Variants in MYOF observed in about 807,000 individuals in gnomAD.
MYOF encodes fer-1-like 3, myoferlin.
In MYOF, 244 loss-of-function variants were observed where a neutral mutation model predicts 284.2. The observed-to-expected ratio is 0.86, with a 90% CI of 0.77 to 0.95. The LOEUF is 0.95. Ranked by LOEUF, MYOF falls within the 40% of genes least tolerant of loss-of-function variation. The pLI, the probability that MYOF is intolerant of heterozygous loss-of-function variation, is 0.00. For missense variants in MYOF, 2,496 were observed against 2,560.6 expected (o/e 0.97, Z 0.54); for synonymous variants, 904 against 919.7 (o/e 0.98, Z 0.31).
chr10:93,358,206 C>A (rs1187346171), intron 29 of MYOF, among the ~76,000 whole-genome samples: 1 of 152,152 alleles, frequency 6.6e-6, no homozygotes, highest in Non-Finnish European at 1.5e-5. Flanking sequence ...AAAAGCTCAA[C>A]ATCACGGATC....
intron 2 of MYOF, among the ~76,000 whole-genome samples, chr10:93,455,393 C>T (rs576023205): frequency 1.3e-5 from 2 of 152,036 alleles, no homozygotes; most frequent in Non-Finnish European, 2.9e-5. Flanking sequence ...TCTAGCGAGG[C>T]GCAATGGCTC....
intron 50 of MYOF, among the ~76,000 whole-genome samples, chr10:93,315,029 TGAGA>T (rs1360698446): frequency 6.6e-6 from 1 of 152,086 alleles, no homozygotes; most frequent in African/African-American, 2.4e-5. Flanking sequence ...CCAGCCTGGG[TGAGA>T]GAGTGAGACT....
At chr10:93,418,247 A>G (rs1020104150) in intron 5 of MYOF, among the ~76,000 whole-genome samples, 5 of 152,270 alleles carry the variant, frequency 3.3e-5, no homozygotes, top group African/African-American at 4.8e-5. Flanking sequence ...AGTGTAAGCT[A>G]AAAGGACAAT....
intron 48 of MYOF, among the ~76,000 whole-genome samples, chr10:93,322,813 G>C (rs1421702137): frequency 6.6e-6 from 1 of 152,072 alleles, no homozygotes; most frequent in South Asian, 2.1e-4. Context: ...AGAAACTGAA[G>C]AAAATCCATT....
intron 1 of MYOF, among the ~76,000 whole-genome samples, chr10:93,473,697 T>C (rs1014209996): frequency 1.3e-5 from 2 of 152,306 alleles, no homozygotes; most frequent in South Asian, 2.1e-4. Context: ...AAGGTTTCCT[T>C]GAGCACGCTG....
intron 2 of MYOF, among the ~76,000 whole-genome samples, chr10:93,452,730 AAG>A (rs1372678828): frequency 1.3e-5 from 2 of 152,182 alleles, no homozygotes; most frequent in African/African-American, 4.8e-5. Context: ...AAAATTAAAA[AAG>A]AATAAAATGC....
chr10:93,423,761 A>T (rs1848457226), intron 5 of MYOF, among the ~76,000 whole-genome samples: 1 of 149,368 alleles, frequency 6.7e-6, no homozygotes, highest in South Asian at 2.2e-4. Flanking sequence ...TGAACCCTGG[A>T]GGCGGAGCTT....
At chr10:93,391,070 A>G (rs11187408) in intron 17 of MYOF, among the ~76,000 whole-genome samples, 55,491 of 152,144 alleles carry the variant, frequency 0.36, 11,168 homozygotes, top group East Asian at 0.86. Flanking sequence ...GTTCCCTTGA[A>G]TGACTGTGCT....
chr10:93,465,134 G>T (rs1336466149), intron 1 of MYOF, among the ~76,000 whole-genome samples: 1 of 152,082 alleles, frequency 6.6e-6, no homozygotes, highest in Non-Finnish European at 1.5e-5. Context: ...AGTTACAGAG[G>T]AAGAAACCAA....
intron 27 of MYOF, 97 bp downstream of exon 27, chr10:93,363,864 G>A: frequency 2.1e-6 from 2 of 934,832 alleles, no homozygotes; most frequent in Admixed American, 2.1e-5. Context: ...ATGGAGCGGA[G>A]GAGAGGTTAA....
At chr10:93,362,824 G>T (rs1417821135) in intron 27 of MYOF, among the ~76,000 whole-genome samples, 1 of 152,112 alleles carries the variant, frequency 6.6e-6, no homozygotes, top group Non-Finnish European at 1.5e-5. Flanking sequence ...AGGCAAATGG[G>T]CTTCTTGTAA....
chr10:93,390,374 A>C (rs1846617036), intron 17 of MYOF, among the ~76,000 whole-genome samples: 1 of 152,212 alleles, frequency 6.6e-6, no homozygotes, highest in Non-Finnish European at 1.5e-5. Flanking sequence ...AGCAAGAAAA[A>C]AAGAAACATT....
intron 53 of MYOF, among the ~76,000 whole-genome samples, chr10:93,309,342 G>A (rs749733385): frequency 1.1e-4 from 16 of 152,248 alleles, no homozygotes; most frequent in East Asian, 3.9e-4. Flanking sequence ...TCGTAGATGC[G>A]CAATACATCC....
At chr10:93,316,133 AAAT>A (rs1842601737) in intron 50 of MYOF, among the ~76,000 whole-genome samples, 1 of 152,070 alleles carries the variant, frequency 6.6e-6, no homozygotes, top group Non-Finnish European at 1.5e-5. Context: ...AAAAATAAAA[AAAT>A]AAAAAAATAG....
At chr10:93,462,063 C>T (rs1203437555) in intron 1 of MYOF, among the ~76,000 whole-genome samples, 1 of 150,288 alleles carries the variant, frequency 6.7e-6, no homozygotes, top group East Asian at 2.0e-4. Context: ...AGGGGATGCT[C>T]ACTGCAGGCT....
At chr10:93,402,738 T>A (rs974367708) in intron 10 of MYOF, 122 bp downstream of exon 10, 7 of 844,926 alleles carry the variant, frequency 8.3e-6, no homozygotes, top group Non-Finnish European at 1.3e-5. Context: ...AAATATTTTT[T>A]AAAAAATTCC....
chr10:93,311,878 G>T (rs1021137568), intron 51 of MYOF, among the ~76,000 whole-genome samples: 7 of 152,198 alleles, frequency 4.6e-5, no homozygotes, highest in African/African-American at 7.2e-5. Context: ...ACTAAGTGAG[G>T]TTATGTGCAA....
chr10:93,426,753 G>T (rs990301182), intron 4 of MYOF, among the ~76,000 whole-genome samples: 2 of 152,100 alleles, frequency 1.3e-5, no homozygotes, highest in South Asian at 2.1e-4. Flanking sequence ...ACTGGGCATG[G>T]TGGCAGGCAC....
At chr10:93,309,166 C>G (rs540315007) in intron 53 of MYOF, among the ~76,000 whole-genome samples, 114 of 152,304 alleles carry the variant, frequency 7.5e-4, no homozygotes, top group South Asian at 2.7e-3. Context: ...GAGGAACTGT[C>G]TTAGCAGGGG....
Sources: allele counts gnomAD v4.1 joint callset (sites outside exome capture counted in the v4.1 genomes callset), GRCh38; gene constraint gnomAD v4.1.1; transcripts MANE v1.5; gene names NCBI Gene and HGNC (gene_info 2026-07-23, HGNC 2026-07-21).